The following PLCB4 variants were observed in gnomAD, a reference collection of about 807,000 sequenced individuals.
The protein encoded by PLCB4 is phospholipase C beta 4.
Under a neutral mutation model 178.8 loss-of-function variants are expected in PLCB4, and 77 were observed. That is an observed-to-expected ratio of 0.43 (90% confidence interval 0.36 to 0.52). The LOEUF is 0.52. Ranked by LOEUF, PLCB4 falls within the 20% of genes least tolerant of loss-of-function variation. PLCB4 has a pLI of 0.00. For synonymous variants in PLCB4, 496 were observed against 490.8 expected (o/e 1.01, Z -0.14); for missense variants, 1,024 against 1,453.4 (o/e 0.70, Z 4.80).
intron 9 of PLCB4, among the ~76,000 whole-genome samples, chr20:9,368,178 A>G (rs1021627858): frequency 5.3e-5 from 8 of 152,242 alleles, no homozygotes; most frequent in Admixed American, 1.3e-4. Context: ...TAGTGATTAC[A>G]TAGCTTGGGA....
chr20:9,384,738 A>G (rs2037432350), intron 14 of PLCB4, among the ~76,000 whole-genome samples: 1 of 151,354 alleles, frequency 6.6e-6, no homozygotes, highest in Non-Finnish European at 1.5e-5. Context: ...TGTTACTAGC[A>G]CCATGCTCTA....
chr20:9,427,174 G>A (rs934411873), intron 28 of PLCB4, among the ~76,000 whole-genome samples: 4 of 152,198 alleles, frequency 2.6e-5, no homozygotes, highest in South Asian at 2.1e-4. Context: ...GAAGTGAGCC[G>A]AGTTCATGCC....
chr20:9,388,978 G>T (rs1254007840), intron 15 of PLCB4, among the ~76,000 whole-genome samples: 2 of 152,136 alleles, frequency 1.3e-5, no homozygotes, highest in Non-Finnish European at 2.9e-5. Context: ...GATTTGCCTA[G>T]ATAACTATTG....
At chr20:9,371,743 C>T (rs779847925) in intron 10 of PLCB4, among the ~76,000 whole-genome samples, 6 of 152,088 alleles carry the variant, frequency 3.9e-5, no homozygotes, top group Admixed American at 6.6e-5. Context: ...CATCTCTCCC[C>T]GCACCATTTG....
Position 9,450,658 on chromosome 20 carries a change from C to CTTT in PLCB4, c.2881-2671_2881-2669dup, listed in dbSNP as rs60982044. 7.3e-3 allele frequency among the ~76,000 whole-genome samples: 728 copies of CTTT among 100,252 alleles called. 25 individuals are homozygous for CTTT. Among genetic ancestry groups the CTTT allele is most frequent in the East Asian group, 0.039 (137 of 3,494 alleles). The allele number at this position is 100,252 out of a possible 152,430, so 65.8% of individuals were successfully genotyped here. A position where few individuals can be genotyped will look rare whatever the true frequency, so the allele number is the denominator to read the frequency against. On this transcript the variant is annotated intron_variant, in intron 32 of 39. Coordinates refer to ENST00000378473, the MANE Select transcript of PLCB4 (RefSeq NM_001377142.1). ...ACTCAGTTTTCTTTTCTTTTCTTTT[C>CTTT]TTTTTTTTTTTTTTTTTTTTGAGAT...
intron 2 of PLCB4, among the ~76,000 whole-genome samples, chr20:9,097,684 T>C (rs2146607900): frequency 6.6e-6 from 1 of 152,290 alleles, no homozygotes; most frequent in South Asian, 2.1e-4. Context: ...CACCTCCAGC[T>C]TTTAATTACC....
intron 2 of PLCB4, among the ~76,000 whole-genome samples, chr20:9,212,808 C>A (rs1006267227): frequency 2.0e-5 from 3 of 152,160 alleles, no homozygotes; most frequent in Non-Finnish European, 4.4e-5. Context: ...AGCTGACTGG[C>A]AAACTCACTA....
At chr20:9,355,749 A>G (rs1161325592) in intron 7 of PLCB4, among the ~76,000 whole-genome samples, 2 of 151,996 alleles carry the variant, frequency 1.3e-5, no homozygotes, top group Non-Finnish European at 1.5e-5. Flanking sequence ...TAGTGCCGCA[A>G]TAAACATATG....
chr20:9,465,161 C>A (rs146436714), intron 35 of PLCB4, among the ~76,000 whole-genome samples: 6 of 152,226 alleles, frequency 3.9e-5, no homozygotes, highest in African/African-American at 1.4e-4. Context: ...TAATCCATCA[C>A]GTAAACAGAA....
At chr20:9,467,361 G>T (rs1303554786) in intron 35 of PLCB4, among the ~76,000 whole-genome samples, 1 of 152,130 alleles carries the variant, frequency 6.6e-6, no homozygotes. Context: ...AAACCAACAT[G>T]GCACATGTAT....
At chr20:9,424,253 T>C (rs2040842548) in intron 28 of PLCB4, among the ~76,000 whole-genome samples, 1 of 152,104 alleles carries the variant, frequency 6.6e-6, no homozygotes, top group Non-Finnish European at 1.5e-5. Context: ...ATATTGACAA[T>C]CAGACTAGGG....
chr20:9,106,025 A>T (rs1265894272), intron 2 of PLCB4, among the ~76,000 whole-genome samples: 2 of 152,126 alleles, frequency 1.3e-5, no homozygotes, highest in Non-Finnish European at 2.9e-5. Flanking sequence ...GACAGAGCAT[A>T]TACCGGGAAA....
intron 3 of PLCB4, among the ~76,000 whole-genome samples, chr20:9,265,825 G>A (rs1601514331): frequency 6.6e-6 from 1 of 152,296 alleles, no homozygotes; most frequent in East Asian, 1.9e-4. Flanking sequence ...AAAGCATAGT[G>A]CCTGGGCAAG....
At chr20:9,275,780 C>G (rs6039432) in intron 3 of PLCB4, among the ~76,000 whole-genome samples, 68,610 of 151,900 alleles carry the variant, frequency 0.45, 16,299 homozygotes, top group East Asian at 0.69. Flanking sequence ...GTCCAAGTGA[C>G]GTGCCAACTC....
At chr20:9,208,118 C>T (rs1001349245) in intron 2 of PLCB4, among the ~76,000 whole-genome samples, 3 of 152,154 alleles carry the variant, frequency 2.0e-5, no homozygotes, top group Non-Finnish European at 4.4e-5. Context: ...GAAATAGCCC[C>T]TATTTTATAC....
chr20:9,375,849 A>G (rs2299675), intron 12 of PLCB4, among the ~76,000 whole-genome samples: 13,263 of 152,170 alleles, frequency 0.087, 1,375 homozygotes, highest in African/African-American at 0.24. Context: ...CTGGAGACAC[A>G]CATACACTGC....
chr20:9,069,493 A>G (rs1372495352), intron 1 of PLCB4, among the ~76,000 whole-genome samples: 5 of 152,092 alleles, frequency 3.3e-5, no homozygotes, highest in Admixed American at 1.3e-4. Flanking sequence ...CGACGTGTAT[A>G]TGATTATTTT....
chr20:9,099,238 C>G (rs150292622), intron 2 of PLCB4, among the ~76,000 whole-genome samples: 134 of 152,178 alleles, frequency 8.8e-4, no homozygotes, highest in Non-Finnish European at 1.6e-3. Context: ...AAGATTGGAT[C>G]CATGATTCGA....
intron 2 of PLCB4, among the ~76,000 whole-genome samples, chr20:9,154,905 C>CTTCCTTCCTTCCTTCCT (rs1473005178): frequency 3.2e-5 from 2 of 62,338 alleles, no homozygotes; most frequent in Admixed American, 2.0e-4. Context: ...CCCTCCTTCC[C>CTTCCTTCCTTCCTTCCT]TCCTTCCTTC....
Sources: gnomAD v4.1 joint callset for allele counts (sites outside exome capture counted in the v4.1 genomes callset) on GRCh38, gnomAD v4.1.1 for gene constraint, MANE v1.5 for transcripts, NCBI Gene and HGNC (gene_info 2026-07-23, HGNC 2026-07-21) for gene names.